Variants in TFEC observed in about 807,000 individuals in gnomAD.
The protein encoded by TFEC is class E basic helix-loop-helix protein 34.
TFEC carries 31 observed loss-of-function variants against 41.6 expected under a neutral mutation model. The ratio of observed to expected loss-of-function variants is 0.74; its 90% CI spans 0.56 to 1.01. The LOEUF (loss-of-function observed/expected upper bound fraction) is 1.01, where lower values mean the gene tolerates loss of function less well. Ranked by LOEUF, TFEC falls within the 50% of genes least tolerant of loss-of-function variation. The pLI is 0.00. For missense variants in TFEC, 402 were observed against 404.1 expected, an observed-to-expected ratio of 0.99 and a Z score of 0.04; for synonymous variants, 143 against 140.6, an observed-to-expected ratio of 1.02 and a Z score of -0.12.
Position 116,062,225 on chromosome 7 carries a change from C to CTTTTTTTTT in TFEC, c.198+48474_198+48482dup, listed in dbSNP as rs569480964. ...ACAGGCATGTGCCAACATGCCTGGC[C>CTTTTTTTTT]TTTTTTTTTTTTTTTTTTTTTTTTT... On this transcript the variant is annotated intron_variant, in intron 3 of 8. Transcript: ENST00000484212. Among the ~76,000 whole-genome samples the CTTTTTTTTT allele has an allele frequency of 2.4e-3, 125 of 51,906 alleles. 6 individuals are homozygous for CTTTTTTTTT. Among genetic ancestry groups the CTTTTTTTTT allele is most frequent in the African/African-American group, 8.0e-3 (71 of 8,894 alleles). 34.1% of individuals were successfully genotyped at this position (51,906 alleles called of 152,430 possible).
chr7:115,948,304 T>C (rs1346842350), intron 6 of TFEC, among the ~76,000 whole-genome samples: 1 of 151,750 alleles, frequency 6.6e-6, no homozygotes, highest in Non-Finnish European at 1.5e-5. Flanking sequence ...TCTGAAACTA[T>C]TCCAATCAAT....
chr7:115,962,669 C>A (rs1008604319), intron 3 of TFEC, among the ~76,000 whole-genome samples: 2 of 151,770 alleles, frequency 1.3e-5, no homozygotes, highest in Non-Finnish European at 2.9e-5. Context: ...GTTTACCTAA[C>A]ACCACATACA....
chr7:116,039,662 T>G (rs1795989856), intron 3 of TFEC, among the ~76,000 whole-genome samples: 1 of 151,732 alleles, frequency 6.6e-6, no homozygotes, highest in Non-Finnish European at 1.5e-5. Flanking sequence ...ATTAAAGAAA[T>G]AAAACTTGGA....
At chr7:115,974,451 A>ATATATATATAT (rs869072558) in intron 2 of TFEC, among the ~76,000 whole-genome samples, 195 bp from the exon 3 acceptor site, 488 of 26,050 alleles carry the variant, frequency 0.019, 11 homozygotes, top group Non-Finnish European at 0.025. Flanking sequence ...TATATATATA[A>ATATATATATAT]AAACACAGAT....
chr7:116,002,868 C>T (rs913878506), intron 1 of TFEC, among the ~76,000 whole-genome samples: 2 of 151,954 alleles, frequency 1.3e-5, no homozygotes, highest in African/African-American at 4.8e-5. Context: ...ATGTATATTG[C>T]AAACTCTAGG....
At chr7:115,993,367 C>A (rs1013480697) in intron 1 of TFEC, among the ~76,000 whole-genome samples, 5 of 152,086 alleles carry the variant, frequency 3.3e-5, no homozygotes, top group Non-Finnish European at 7.4e-5. Context: ...GACAAACAGG[C>A]AGGAGAAAGA....
chr7:115,983,308 T>C (rs1317914231), intron 2 of TFEC, among the ~76,000 whole-genome samples: 1 of 152,130 alleles, frequency 6.6e-6, no homozygotes, highest in Non-Finnish European at 1.5e-5. Flanking sequence ...TCCTTATTTT[T>C]TTCTCTTTTC....
chr7:115,984,263 T>C lies in TFEC; in HGVS notation c.179A>G (p.His60Arg), dbSNP rs1357228620. The change falls in exon 2 of 8, where the codon CAT becomes CGT. Residue 60 changes from histidine (H) to arginine (R), a missense_variant and splice_region_variant. By Grantham distance (29) the His-to-Arg change is conservative (BLOSUM62 0). Coordinates refer to ENST00000265440, the MANE Select transcript of TFEC (RefSeq NM_012252.4). ...IGKEDDNAQW[H>R]MEDVIEDIIG... Reference sequence around the variant, plus strand: ...TTTATAACCAGCCATTAGACATACATGCCATTGTGCATTGTCATCTTCTTT... The same window carrying C: ...TTTATAACCAGCCATTAGACATACACGCCATTGTGCATTGTCATCTTCTTT... 1 of 1,613,178 alleles carries C rather than the reference T, an allele frequency of 6.2e-7. No homozygotes were observed. The highest frequency in any genetic ancestry group is 1.3e-5 in the African/African-American group (1 of 74,930).
chr7:115,996,697 C>CCCA (rs920569906), intron 1 of TFEC, among the ~76,000 whole-genome samples: 2 of 152,014 alleles, frequency 1.3e-5, no homozygotes, highest in African/African-American at 2.4e-5. Flanking sequence ...CAGAGGGAAG[C>CCCA]CCACTGCACT....
intron 1 of TFEC, among the ~76,000 whole-genome samples, chr7:116,159,037 A>C (rs1336673246): frequency 6.6e-6 from 1 of 151,844 alleles, no homozygotes; most frequent in Non-Finnish European, 1.5e-5. Flanking sequence ...TATACCATTC[A>C]TATATAGTTC....
chr7:116,078,006 A>G (rs1375556981), intron 3 of TFEC, among the ~76,000 whole-genome samples: 1 of 152,170 alleles, frequency 6.6e-6, no homozygotes, highest in Non-Finnish European at 1.5e-5. Context: ...AACATTCTCC[A>G]AGATAGATCA....
chr7:116,076,441 A>G (rs1157469667), intron 3 of TFEC, among the ~76,000 whole-genome samples: 1 of 152,130 alleles, frequency 6.6e-6, no homozygotes, highest in East Asian at 1.9e-4. Flanking sequence ...GAATTGCCAG[A>G]AAAAGAATTC....
chr7:116,002,595 A>T (rs1381306815), intron 1 of TFEC, among the ~76,000 whole-genome samples: 1 of 152,180 alleles, frequency 6.6e-6, no homozygotes, highest in Admixed American at 6.5e-5. Flanking sequence ...AATGAATAAG[A>T]TCTAGTGTTT....
At chr7:115,942,252 A>C (rs935372017) in intron 6 of TFEC, among the ~76,000 whole-genome samples, 2 of 152,054 alleles carry the variant, frequency 1.3e-5, no homozygotes, top group African/African-American at 4.8e-5. Flanking sequence ...GTGTCAAAAG[A>C]AAGTAATAAA....
At chr7:115,983,416 C>T (rs1226080817) in intron 2 of TFEC, among the ~76,000 whole-genome samples, 3 of 151,906 alleles carry the variant, frequency 2.0e-5, no homozygotes, top group Non-Finnish European at 4.4e-5. Context: ...AGGCTACAGG[C>T]TTAATAGATG....
intron 3 of TFEC, among the ~76,000 whole-genome samples, chr7:116,044,536 C>A (rs982924299): frequency 6.6e-6 from 1 of 152,190 alleles, no homozygotes; most frequent in African/African-American, 2.4e-5. Flanking sequence ...AGTTTATTTT[C>A]TTTTGACTAC....
At chr7:115,942,970 A>G (rs1273196373) in intron 6 of TFEC, among the ~76,000 whole-genome samples, 1 of 152,066 alleles carries the variant, frequency 6.6e-6, no homozygotes, top group East Asian at 1.9e-4. Flanking sequence ...TTTTTAATAT[A>G]GCATAAAGTA....
At chr7:115,949,952 AAGTTCTCAGTTTT>A (rs1218354162) in intron 6 of TFEC, among the ~76,000 whole-genome samples, 1 of 151,650 alleles carries the variant, frequency 6.6e-6, no homozygotes, top group African/African-American at 2.4e-5. Context: ...ACCTACTCAA[AAGTTCTCAGTTTT>A]AATGAAATAT....
intron 3 of TFEC, among the ~76,000 whole-genome samples, chr7:116,086,206 G>C (rs1402429019): frequency 1.3e-5 from 2 of 151,650 alleles, no homozygotes; most frequent in African/African-American, 4.8e-5. Context: ...AATAAAGAGG[G>C]GCACTTTAGA....
Sources: allele counts gnomAD v4.1 joint callset (sites outside exome capture counted in the v4.1 genomes callset), GRCh38; gene constraint gnomAD v4.1.1; transcripts MANE v1.5; gene names NCBI Gene and HGNC (gene_info 2026-07-23, HGNC 2026-07-21).